TRIM74: variants seen among roughly 807,000 people sequenced by gnomAD.
TRIM74 encodes tripartite motif-containing protein 74.
TRIM74 carries 3 observed loss-of-function variants against 14.5 expected under a neutral mutation model. The ratio of observed to expected loss-of-function variants is 0.21; its 90% CI spans 0.09 to 0.53. The LOEUF (loss-of-function observed/expected upper bound fraction) is 0.53, where lower values mean the gene tolerates loss of function less well. TRIM74 is among the 20% of genes least tolerant of loss of function. The pLI is 0.95. For missense variants in TRIM74, 26 were observed against 174.0 expected (o/e 0.15, Z 4.79); for synonymous variants, 10 against 71.3 (o/e 0.14, Z 4.33).
intron 2 of TRIM74, among the ~76,000 whole-genome samples, chr7:72,963,240 C>G (rs1378600923): frequency 6.6e-6 from 1 of 152,308 alleles, no homozygotes. Context: ...TGCCCAAGCA[C>G]CAGAGAGCTG....
chr7:72,959,217 CCT>C (rs1798133478), downstream of TRIM74, among the ~76,000 whole-genome samples: 1 of 143,564 alleles, frequency 7.0e-6, no homozygotes, highest in Non-Finnish European at 1.5e-5. Flanking sequence ...CGCCACTCCC[CCT>C]TTTACAGGAC....
chr7:72,966,527 C>T (rs1266224123), intron 1 of TRIM74, among the ~76,000 whole-genome samples: 3 of 74,644 alleles, frequency 4.0e-5, no homozygotes, highest in Admixed American at 1.4e-4. Flanking sequence ...GCATCCGGAC[C>T]TAGAACTGAA....
At position 72,967,089 on chromosome 7, in the gene TRIM74, C is replaced by T. The variant is rs1480146346; in HGVS notation, c.-18-914G>A. On this transcript the variant is annotated intron_variant, in intron 1 of 4. Coordinates refer to ENST00000285805, the MANE Select transcript of TRIM74 (RefSeq NM_198853.3). ...GGAGGCAGCCTTTGTTGGGCCTGCT[C>T]TGATAACATTCAAGTGCTGGCCTTG... 5 of 153,616 alleles carry T rather than the reference C, an allele frequency of 3.3e-5. No homozygotes were observed. In the Admixed American group the frequency reaches 3.3e-4, roughly 10 times the overall value. 9.5% of individuals were successfully genotyped at this position (153,616 alleles called of 1,614,324 possible). A position where few individuals can be genotyped will look rare whatever the true frequency, so the allele number is the denominator to read the frequency against.
intron 1 of TRIM74, among the ~76,000 whole-genome samples, chr7:72,967,129 G>A (rs1447937803): frequency 2.0e-5 from 3 of 152,310 alleles, no homozygotes; most frequent in Admixed American, 1.3e-4. Flanking sequence ...CTGTGGAGGA[G>A]GGGCAGAAAC....
At chr7:72,955,829 AC>A (rs1554505579), downstream of TRIM74, among the ~76,000 whole-genome samples, 1 of 127,862 alleles carries the variant, frequency 7.8e-6, no homozygotes, top group Non-Finnish European at 1.6e-5. Context: ...GCACCACCAC[AC>A]CCAGCTAATT....
At chr7:72,967,248 G>C (rs1301255020) in intron 1 of TRIM74, among the ~76,000 whole-genome samples, 15 of 148,752 alleles carry the variant, frequency 1.0e-4, no homozygotes, top group African/African-American at 2.2e-4. Context: ...TCCTTTTTTG[G>C]GGGGGGTGGG....
At chr7:72,966,523 G>A (rs1488984028) in intron 1 of TRIM74, among the ~76,000 whole-genome samples, 2 of 77,660 alleles carry the variant, frequency 2.6e-5, no homozygotes, top group Admixed American at 1.4e-4. Context: ...GCATGCATCC[G>A]GACCTAGAAC....
chr7:72,956,959 C>A (rs1219093471), downstream of TRIM74, among the ~76,000 whole-genome samples: 4 of 152,288 alleles, frequency 2.6e-5, no homozygotes, highest in African/African-American at 7.2e-5. Context: ...GAAACCACGT[C>A]TCTACTAAAA....
chr7:72,959,694 TCCCCACCTGTCTGCGAGAC>T lies in TRIM74; in HGVS notation c.*169_*187del. ...AGGTACCCACAGTTCACCATCTGCC[TCCCCACCTGTCTGCGAGAC>T]CCTTGAAGGCAGGGACGTGACTTTC... On this transcript the variant is annotated 3_prime_UTR_variant, in exon 5 of 5. Coordinates refer to ENST00000285805, the MANE Select transcript of TRIM74 (RefSeq NM_198853.3). 2.4e-6 allele frequency: 1 copy of T among 423,964 alleles called. No individual in the cohort carries two copies. Among genetic ancestry groups the T allele is most frequent in the South Asian group, 2.1e-5 (1 of 46,590 alleles). The allele number at this position is 423,964 out of a possible 1,614,324, so 26.3% of individuals were successfully genotyped here.
intron 1 of TRIM74, among the ~76,000 whole-genome samples, chr7:72,966,425 AT>A (rs1722810425): frequency 7.4e-6 from 1 of 135,776 alleles, no homozygotes; most frequent in Admixed American, 7.2e-5. Flanking sequence ...GTGTGTCTAC[AT>A]TTTTTACTCA....
chr7:72,962,660 G>A (rs1229239022), intron 2 of TRIM74, among the ~76,000 whole-genome samples: 3 of 104,438 alleles, frequency 2.9e-5, no homozygotes, highest in South Asian at 3.7e-4. Flanking sequence ...CAGCCTGGGC[G>A]ACAGAGCGAG....
At chr7:72,962,614 G>A (rs1293723002) in intron 2 of TRIM74, among the ~76,000 whole-genome samples, 1 of 71,586 alleles carries the variant, frequency 1.4e-5, no homozygotes, top group Admixed American at 1.3e-4. Context: ...CCTGGGAGGC[G>A]GAGCTTGCAG....
intron 1 of TRIM74, among the ~76,000 whole-genome samples, chr7:72,967,233 T>C (rs1237663502): frequency 2.0e-5 from 3 of 150,780 alleles, no homozygotes; most frequent in African/African-American, 7.3e-5. Flanking sequence ...TCTCTTGCTC[T>C]TATATCCTTT....
chr7:72,967,248 GGGGGGGT>G (rs1798306254), intron 1 of TRIM74, among the ~76,000 whole-genome samples: 2 of 148,766 alleles, frequency 1.3e-5, no homozygotes, highest in South Asian at 4.4e-4. Flanking sequence ...TCCTTTTTTG[GGGGGGGT>G]GGGGGGCTGG....
chr7:72,964,044 C>CT (rs1179454249), intron 2 of TRIM74, among the ~76,000 whole-genome samples: 1 of 13,702 alleles, frequency 7.3e-5, no homozygotes, highest in African/African-American at 2.6e-4. Context: ...CTTTCTATTC[C>CT]TTTTTCAGGG....
chr7:72,967,309 G>C (rs1457628814), intron 1 of TRIM74, among the ~76,000 whole-genome samples: 32 of 150,938 alleles, frequency 2.1e-4, no homozygotes, highest in African/African-American at 7.5e-4. Context: ...CCAGGCTGGA[G>C]TGCAGTGGCG....
At chr7:72,963,810 C>T (rs1274100992) in intron 2 of TRIM74, among the ~76,000 whole-genome samples, 3 of 119,826 alleles carry the variant, frequency 2.5e-5, no homozygotes, top group African/African-American at 9.0e-5. Flanking sequence ...TTCCCTCCCT[C>T]CTTCCCATCA....
At chr7:72,959,060 C>CT (rs1798130611), downstream of TRIM74, among the ~76,000 whole-genome samples, 1 of 62,848 alleles carries the variant, frequency 1.6e-5, no homozygotes, top group African/African-American at 6.7e-5. Flanking sequence ...ATACTGCCTG[C>CT]TGCGCAAGGG....
intron 2 of TRIM74, among the ~76,000 whole-genome samples, chr7:72,963,749 A>G (rs1425350586): frequency 1.1e-4 from 16 of 140,854 alleles, no homozygotes; most frequent in Admixed American, 3.5e-4. Flanking sequence ...ACAGGGACCC[A>G]AGCTGAGCTG....
Sources: gnomAD v4.1 joint callset for allele counts (sites outside exome capture counted in the v4.1 genomes callset) on GRCh38, gnomAD v4.1.1 for gene constraint, MANE v1.5 for transcripts, NCBI Gene and HGNC (gene_info 2026-07-23, HGNC 2026-07-21) for gene names.